Variants in NRXN3 observed in about 807,000 individuals in gnomAD.
The protein encoded by NRXN3 is neurexin III.
A neutral mutation model predicts 137.6 loss-of-function variants in NRXN3; 32 were observed. The ratio of observed to expected loss-of-function variants is 0.23; its 90% confidence interval spans 0.18 to 0.31. The LOEUF (loss-of-function observed/expected upper bound fraction) is 0.31. Ranked by LOEUF, NRXN3 falls within the 10% of genes least tolerant of loss-of-function variation. NRXN3 has a pLI of 1.00. For synonymous variants in NRXN3, 798 were observed against 784.5 expected, an observed-to-expected ratio of 1.02 and a Z score of -0.29; for missense variants, 1,574 against 2,062.5, an observed-to-expected ratio of 0.76 and a Z score of 4.59.
intron 15 of NRXN3, among the ~76,000 whole-genome samples, chr14:79,332,215 A>G (rs2091782484): frequency 6.6e-6 from 1 of 152,108 alleles, no homozygotes; most frequent in Non-Finnish European, 1.5e-5. Context: ...AACCGCAATG[A>G]TTTTCGCACC....
intron 4 of NRXN3, among the ~76,000 whole-genome samples, chr14:78,559,586 G>A (rs1355035887): frequency 1.3e-5 from 2 of 152,180 alleles, no homozygotes; most frequent in African/African-American, 2.4e-5. Flanking sequence ...TTCCAGAAGG[G>A]CTGTACCAGT....
chr14:79,127,209 GT>G (rs1171449096), intron 15 of NRXN3, among the ~76,000 whole-genome samples: 2 of 152,058 alleles, frequency 1.3e-5, no homozygotes, highest in Non-Finnish European at 2.9e-5. Flanking sequence ...TTTGGCTTTG[GT>G]TGCCATTGCT....
intron 16 of NRXN3, among the ~76,000 whole-genome samples, chr14:79,524,330 GCT>G (rs2097098273): frequency 6.6e-6 from 1 of 152,242 alleles, no homozygotes; most frequent in African/African-American, 2.4e-5. Flanking sequence ...CCTCCAGCAA[GCT>G]CTGTTTTTAC....
intron 15 of NRXN3, among the ~76,000 whole-genome samples, chr14:79,030,195 T>G (rs1398252539): frequency 1.3e-5 from 2 of 151,708 alleles, no homozygotes; most frequent in Non-Finnish European, 2.9e-5. Flanking sequence ...ATAGAACATT[T>G]AGCAGCATTC....
Position 79,320,187 on chromosome 14 carries a change from G to T in NRXN3, c.3263-147034G>T, listed in dbSNP as rs114154224. 6.7e-3 allele frequency among the ~76,000 whole-genome samples: 1,022 copies of T among 152,230 alleles called. 9 individuals are homozygous for T. Among genetic ancestry groups the T allele is most frequent in the African/African-American group, 0.024 (987 of 41,532 alleles). On this transcript the variant is annotated intron_variant, in intron 15 of 20. Coordinates refer to ENST00000335750, the MANE Select transcript of NRXN3 (RefSeq NM_001330195.2). The stretch of plus-strand genomic sequence containing the variant: ...TTACTATAATTTTTCAATTCCCTGT[G>T]TTCAATAAAAACACGTCTATGAAAT...
intron 15 of NRXN3, among the ~76,000 whole-genome samples, chr14:79,067,556 C>G (rs4903818): frequency 0.99 from 150,879 of 152,248 alleles, 74,785 homozygotes; most frequent in Middle Eastern, 1. Context: ...GCTCTTCTTT[C>G]TACCTCTGGT....
chr14:78,544,624 G>A (rs528652070), intron 4 of NRXN3, among the ~76,000 whole-genome samples: 1 of 152,220 alleles, frequency 6.6e-6, no homozygotes, highest in Non-Finnish European at 1.5e-5. Context: ...TAGAGGCTGC[G>A]TGACTTGACC....
intron 15 of NRXN3, among the ~76,000 whole-genome samples, chr14:79,227,140 A>AT (rs2071065031): frequency 6.6e-6 from 1 of 151,586 alleles, no homozygotes; most frequent in South Asian, 2.1e-4. Context: ...AAAATGAAAA[A>AT]ATATATATAT....
At chr14:78,789,931 A>G (rs959988209) in intron 8 of NRXN3, among the ~76,000 whole-genome samples, 1 of 152,106 alleles carries the variant, frequency 6.6e-6, no homozygotes, top group Non-Finnish European at 1.5e-5. Context: ...TTGAGTCTAC[A>G]ACACCCACTT....
chr14:78,592,202 T>C (rs1326172293), intron 4 of NRXN3, among the ~76,000 whole-genome samples: 1 of 152,132 alleles, frequency 6.6e-6, no homozygotes, highest in Non-Finnish European at 1.5e-5. Flanking sequence ...TCTTTTCTTT[T>C]TTATTCTTGT....
At chr14:79,400,419 A>G (rs1159978412) in intron 15 of NRXN3, among the ~76,000 whole-genome samples, 2 of 152,174 alleles carry the variant, frequency 1.3e-5, no homozygotes, top group Non-Finnish European at 2.9e-5. Flanking sequence ...TACTTAATTC[A>G]ATCTTATCCT....
chr14:79,628,943 G>A (rs1261343208), intron 16 of NRXN3, among the ~76,000 whole-genome samples: 3 of 152,160 alleles, frequency 2.0e-5, no homozygotes, highest in African/African-American at 7.2e-5. Context: ...AGTTATTGAA[G>A]GAATTCACCC....
intron 16 of NRXN3, among the ~76,000 whole-genome samples, chr14:79,642,984 G>C (rs1200953395): frequency 1.5e-5 from 2 of 135,712 alleles, no homozygotes; most frequent in Non-Finnish European, 3.4e-5. Context: ...CTGAGTAGAA[G>C]ACTCTGCCAG....
chr14:79,513,203 C>T (rs945380920), intron 16 of NRXN3, among the ~76,000 whole-genome samples: 5 of 152,198 alleles, frequency 3.3e-5, no homozygotes, highest in Non-Finnish European at 5.9e-5. Flanking sequence ...CTATCTTTTG[C>T]AACCTGATGC....
intron 4 of NRXN3, among the ~76,000 whole-genome samples, chr14:78,327,169 G>A (rs977229588): frequency 6.6e-5 from 10 of 152,080 alleles, no homozygotes; most frequent in Admixed American, 3.9e-4. Flanking sequence ...ATGGTATATC[G>A]AAATGAGGCA....
At chr14:79,609,446 A>G (rs2098070486) in intron 16 of NRXN3, among the ~76,000 whole-genome samples, 1 of 152,228 alleles carries the variant, frequency 6.6e-6, no homozygotes, top group African/African-American at 2.4e-5. Context: ...ATAGATTGAT[A>G]TTTGAATCCC....
At chr14:78,970,594 A>G (rs576031055) in intron 14 of NRXN3, among the ~76,000 whole-genome samples, 1 of 152,328 alleles carries the variant, frequency 6.6e-6, no homozygotes, top group South Asian at 2.1e-4. Flanking sequence ...AGGAGGTCTA[A>G]GCTTTATAAA....
chr14:79,435,351 A>G (rs2095828647), intron 15 of NRXN3, among the ~76,000 whole-genome samples: 1 of 151,570 alleles, frequency 6.6e-6, no homozygotes, highest in African/African-American at 2.4e-5. Context: ...TGAGGTAAGT[A>G]GAGAAAGTTT....
chr14:79,257,370 G>GTGGTGA (rs2076738721), intron 15 of NRXN3, among the ~76,000 whole-genome samples: 7 of 95,090 alleles, frequency 7.4e-5, no homozygotes, highest in South Asian at 3.7e-4. Flanking sequence ...GGTGGTGGTG[G>GTGGTGA]TGGTGGTGGT....
Sources: gnomAD v4.1 joint callset for allele counts (sites outside exome capture counted in the v4.1 genomes callset) on GRCh38, gnomAD v4.1.1 for gene constraint, MANE v1.5 for transcripts, NCBI Gene and HGNC (gene_info 2026-07-23, HGNC 2026-07-21) for gene names.